ARHGEF18: variants seen among roughly 807,000 people sequenced by gnomAD.
The protein encoded by ARHGEF18 is rho guanine nucleotide exchange factor 18.
In ARHGEF18, 93 loss-of-function variants were observed where a neutral mutation model predicts 155.7. The observed-to-expected ratio is 0.60, with a 90% CI of 0.50 to 0.71. The LOEUF (loss-of-function observed/expected upper bound fraction) is 0.71, where lower values mean the gene tolerates loss of function less well. ARHGEF18 is among the 30% of genes least tolerant of loss of function. ARHGEF18 has a pLI of 0.00. For synonymous variants in ARHGEF18, 742 were observed against 753.1 expected (o/e 0.99, Z 0.24); for missense variants, 1,593 against 1,816.1 (o/e 0.88, Z 2.23).
At chr19:7,418,675 C>T (rs958859567) in intron 10 of ARHGEF18, among the ~76,000 whole-genome samples, 6 of 152,004 alleles carry the variant, frequency 3.9e-5, no homozygotes, top group African/African-American at 1.5e-4. Context: ...CTCTGGATCT[C>T]GGAGGTGGGG....
At chr19:7,451,340 A>T in intron 16 of ARHGEF18, 74 bp downstream of exon 16, 1 of 1,244,386 alleles carries the variant, frequency 8.0e-7, no homozygotes. Context: ...CCCACTCCCT[A>T]TTTGAGCAGC....
intron 10 of ARHGEF18, among the ~76,000 whole-genome samples, chr19:7,398,661 A>ATTGTT (rs1368967474): frequency 6.6e-6 from 1 of 151,394 alleles, no homozygotes; most frequent in Non-Finnish European, 1.5e-5. Context: ...ATTGCACTCC[A>ATTGTT]GCCTGGGCAA....
chr19:7,373,463 GTT>G (rs534449492), intron 3 of ARHGEF18, among the ~76,000 whole-genome samples: 3 of 87,164 alleles, frequency 3.4e-5, no homozygotes, highest in African/African-American at 2.4e-4. Context: ...TTTTGTGTTT[GTT>G]TTTTTTTTTT....
rs1191722044 is a variant in ARHGEF18, at chr19:7,372,838, C to T, written c.42C>T (p.Ser14=). Residue 14 remains serine, a synonymous_variant, in exon 3 of 29, where the codon AGC becomes AGT. Coordinates refer to ENST00000668164, the MANE Select transcript of ARHGEF18 (RefSeq NM_001367823.1). ...AGGATGATTTTCCCAGGCGGCTCAG[C>T]GAGAGTATGGAGGACCTCAGCCTGG... ...DQEDDFPRRL[S]ESMEDLSLDL... The T allele has an allele frequency of 8.9e-6, 11 of 1,234,362 alleles. No individual in the cohort carries two copies. Among genetic ancestry groups the T allele is most frequent in the African/African-American group, 1.6e-5 (1 of 64,504 alleles). 76.5% of individuals were successfully genotyped at this position (1,234,362 alleles called of 1,614,324 possible).
intron 23 of ARHGEF18, among the ~76,000 whole-genome samples, chr19:7,465,252 G>A (rs1976541006): frequency 6.6e-6 from 1 of 152,202 alleles, no homozygotes; most frequent in Non-Finnish European, 1.5e-5. Context: ...GTACAAGTCA[G>A]CTGACCAGCA....
intron 13 of ARHGEF18, among the ~76,000 whole-genome samples, chr19:7,443,907 G>GAA (rs71179114): frequency 2.8e-5 from 4 of 143,076 alleles, no homozygotes; most frequent in African/African-American, 5.1e-5. Flanking sequence ...CCATCTCAAA[G>GAA]AAAAAAAAAA....
intron 10 of ARHGEF18, among the ~76,000 whole-genome samples, chr19:7,422,616 C>A: frequency 6.6e-6 from 1 of 152,020 alleles, no homozygotes; most frequent in East Asian, 1.9e-4. Context: ...TCATCCTTTG[C>A]TAACACACCA....
At chr19:7,466,998 TC>T in intron 24 of ARHGEF18, 24 bp downstream of exon 24, 1 of 1,613,200 alleles carries the variant, frequency 6.2e-7, no homozygotes, top group Non-Finnish European at 8.5e-7. Flanking sequence ...GGTCTCCATC[TC>T]CCCAGGGCCT....
intron 19 of ARHGEF18, among the ~76,000 whole-genome samples, chr19:7,459,018 A>G (rs1259525705): frequency 6.6e-6 from 1 of 152,138 alleles, no homozygotes; most frequent in Non-Finnish European, 1.5e-5. Flanking sequence ...CTCAGGGCCC[A>G]GAACCAGCTG....
chr19:7,361,554 A>G (rs972913033), intron 1 of ARHGEF18, among the ~76,000 whole-genome samples: 2 of 152,218 alleles, frequency 1.3e-5, no homozygotes, highest in Non-Finnish European at 2.9e-5. Context: ...CATCCGTGCA[A>G]TTGCGTACAT....
intron 2 of ARHGEF18, among the ~76,000 whole-genome samples, chr19:7,363,590 TGGAA>T (rs1368917772): frequency 1.4e-5 from 2 of 148,062 alleles, no homozygotes; most frequent in East Asian, 2.1e-4. Flanking sequence ...AAATGAAAGA[TGGAA>T]GGAAGGAAGA....
chr19:7,402,794 G>A (rs897609809), intron 10 of ARHGEF18, among the ~76,000 whole-genome samples: 13 of 152,100 alleles, frequency 8.5e-5, no homozygotes, highest in African/African-American at 3.1e-4. Flanking sequence ...GACCACGTAG[G>A]AGAAGGTTAC....
intron 2 of ARHGEF18, among the ~76,000 whole-genome samples, chr19:7,367,318 G>A (rs1969928120): frequency 6.6e-6 from 1 of 152,210 alleles, no homozygotes; most frequent in Non-Finnish European, 1.5e-5. Flanking sequence ...AAAACCATCT[G>A]CCCTGTGAGG....
At chr19:7,439,872 C>G in intron 10 of ARHGEF18, 2 of 1,449,838 alleles carry the variant, frequency 1.4e-6, no homozygotes, top group Non-Finnish European at 1.8e-6. Flanking sequence ...CAAGGGAGAG[C>G]CTGGAGGGGT....
intron 10 of ARHGEF18, among the ~76,000 whole-genome samples, chr19:7,404,055 G>A (rs1047752506): frequency 2.0e-5 from 3 of 150,208 alleles, no homozygotes; most frequent in East Asian, 2.0e-4. Context: ...GCAACAGAGC[G>A]AGACTCCGTC....
chr19:7,405,886 C>G (rs557228322), intron 10 of ARHGEF18, among the ~76,000 whole-genome samples: 1 of 152,154 alleles, frequency 6.6e-6, no homozygotes, highest in East Asian at 1.9e-4. Context: ...CCCAAAACAC[C>G]GGGATTCCAG....
At position 7,440,402 on chromosome 19, in the gene ARHGEF18, C is replaced by A; in HGVS notation, c.1026C>A (p.Ser342=). ...TGTCCGATGGCAGCCCGGCCCTGTC[C>A]AGGAATGTCGGTATGACGGTCTCTC... ...TLLSDGSPAL[S]RNVGMTVSQK... Residue 342 remains serine (S), a synonymous_variant, in exon 11 of 29, where the codon TCC becomes TCA. Transcript: ENST00000668164. The surrounding 1 kb of genome is among the most constrained non-coding windows in gnomAD (Gnocchi z 5.4). The A allele has an allele frequency of 2.5e-6, 4 of 1,608,156 alleles. No homozygotes were observed. Among genetic ancestry groups the A allele is most frequent in the Non-Finnish European group, 3.4e-6 (4 of 1,179,986 alleles).
At chr19:7,350,644 T>C (rs1969130306) in intron 1 of ARHGEF18, among the ~76,000 whole-genome samples, 1 of 152,118 alleles carries the variant, frequency 6.6e-6, no homozygotes, top group Admixed American at 6.6e-5. Context: ...ATGGTGACTG[T>C]GTTGGACAGC....
downstream of ARHGEF18, among the ~76,000 whole-genome samples, chr19:7,475,097 C>G (rs140467459): frequency 2.0e-5 from 3 of 152,180 alleles, no homozygotes; most frequent in African/African-American, 7.2e-5. Flanking sequence ...GCCAGGCATG[C>G]TTGGGCGTGC....
Sources: gnomAD v4.1 joint callset for allele counts (sites outside exome capture counted in the v4.1 genomes callset) on GRCh38, gnomAD v4.1.1 for gene constraint, Gnocchi (gnomAD v3.1) non-coding constraint, MANE v1.5 for transcripts, NCBI Gene and HGNC (gene_info 2026-07-23, HGNC 2026-07-21) for gene names.